The following PCSK9 variants were observed in gnomAD, a reference collection of about 807,000 sequenced individuals.
PCSK9 encodes the protein convertase subtilisin/kexin type 9 preproprotein.
A neutral mutation model predicts 62.1 loss-of-function variants in PCSK9; 57 were observed. That is an observed-to-expected ratio of 0.92 (90% CI 0.74 to 1.14). PCSK9 has a LOEUF of 1.14. Ranked by LOEUF, PCSK9 falls within the 50% of genes most tolerant of loss-of-function variation. PCSK9 has a pLI of 0.00. For missense variants in PCSK9, 870 were observed against 959.8 expected (o/e 0.91, Z 1.24); for synonymous variants, 387 against 409.4 (o/e 0.95, Z 0.66).
rs370894526 is a variant in PCSK9, at chr1:55,061,327, C to T, written c.1682-48C>T. On this transcript the variant is annotated intron_variant, in intron 10 of 11. Transcript: ENST00000302118. ...GTCTGATGGGGATGGGCACTGGAGA[C>T]GGAGCATCCCAGCATTTCACATCTG... The T allele has an allele frequency of 5.6e-4, 878 of 1,558,280 alleles. 3 individuals are homozygous for T. The South Asian group carries it at 6.6e-3, about 12-fold the overall frequency.
chr1:55,055,851 C>A, intron 5 of PCSK9, 142 bp from the exon 6 acceptor site: 1 of 762,314 alleles, frequency 1.3e-6, no homozygotes, highest in Non-Finnish European at 2.0e-6. Context: ...ATTTTCGCAG[C>A]AGCATTTCCA....
chr1:55,063,268 C>A, intron 11 of PCSK9, 101 bp from the exon 12 acceptor site: 1 of 1,296,342 alleles, frequency 7.7e-7, no homozygotes, highest in Non-Finnish European at 1.1e-6. Context: ...GGGCCGTCTG[C>A]ACTTTGGCCT....
chr1:55,046,726 G>A (rs916524148), intron 3 of PCSK9, 80 bp downstream of exon 3: 1 of 1,564,610 alleles, frequency 6.4e-7, no homozygotes, highest in Non-Finnish European at 8.7e-7. Context: ...CTCCCTGCTG[G>A]TGGTTTCCAC....
At position 55,043,881 on chromosome 1, in the gene PCSK9, G is replaced by A. The variant is rs1570293864; in HGVS notation, c.246G>A (p.Leu82=). The change falls in exon 2 of 12, where the codon CTG becomes CTA. Residue 82 remains leucine, a synonymous_variant. Transcript: ENST00000302118. ...WRLPGTYVVV[L]KEETHLSQSE... is the part of the protein sequence containing the mutation. The stretch of plus-strand genomic sequence containing the variant: ...TGCCTGGCACCTACGTGGTGGTGCT[G>A]AAGGAGGAGACCCACCTCTCGCAGT... 4.3e-6 allele frequency: 7 copies of A among 1,614,216 alleles called. No homozygotes were observed. The highest frequency in any genetic ancestry group is 4.2e-6 in the Non-Finnish European group (5 of 1,180,050).
Position 55,040,430 on chromosome 1 carries a change from C to T in PCSK9, c.207+386C>T, listed in dbSNP as rs28385704. On this transcript the variant is annotated intron_variant, in intron 1 of 11. Coordinates refer to ENST00000302118, the MANE Select transcript of PCSK9 (RefSeq NM_174936.4). This position sits in a 1 kb window ranked among gnomAD's most constrained non-coding sequence, Gnocchi z 4.1. ...TGGGTGAAGGAGTGAATGCCTGGAA[C>T]GTACTGGGAACTGCACCAGGCACAG... Among the ~76,000 whole-genome samples the T allele has an allele frequency of 6.6e-6, 1 of 152,096 alleles. No individual in the cohort carries two copies. Among genetic ancestry groups the T allele is most frequent in the Non-Finnish European group, 1.5e-5 (1 of 68,016 alleles).
At chr1:55,042,033 G>C (rs1265624939) in intron 1 of PCSK9, among the ~76,000 whole-genome samples, 2 of 152,062 alleles carry the variant, frequency 1.3e-5, no homozygotes, top group Non-Finnish European at 2.9e-5. Flanking sequence ...TGCAACATCT[G>C]TCTCCCGGGT....
intron 3 of PCSK9, chr1:55,051,774 GC>G (rs1644675529): frequency 4.1e-6 from 1 of 242,624 alleles, no homozygotes; most frequent in Non-Finnish European, 8.1e-6. Context: ...TGGACCTGGA[GC>G]CAGGAGGCCC....
chr1:55,043,864 A>G lies in PCSK9; in HGVS notation c.229A>G (p.Thr77Ala). The G allele has an allele frequency of 6.2e-7, 1 of 1,614,192 alleles. No individual in the cohort carries two copies. Among genetic ancestry groups the G allele is most frequent in the Non-Finnish European group, 8.5e-7 (1 of 1,180,038 alleles). Reference sequence around the variant, plus strand: ...CCAGGATCCGTGGAGGTTGCCTGGCACCTACGTGGTGGTGCTGAAGGAGGA... The same window carrying G: ...CCAGGATCCGTGGAGGTTGCCTGGCGCCTACGTGGTGGTGCTGAAGGAGGA... ...CAKDPWRLPG[T>A]YVVVLKEETH... Residue 77 changes from threonine (T) to alanine (A), a missense_variant, in exon 2 of 12, where the codon ACC becomes GCC. By Grantham distance (58) the Thr-to-Ala change is moderately conservative. Coordinates refer to ENST00000302118, the MANE Select transcript of PCSK9 (RefSeq NM_174936.4).
intron 2 of PCSK9, 152 bp downstream of exon 2, chr1:55,044,186 C>T (rs2100268181): frequency 1.1e-6 from 1 of 930,554 alleles, no homozygotes; most frequent in Middle Eastern, 2.7e-4. Flanking sequence ...ACAGTAACTA[C>T]TGGCTTTCTG....
Position 55,044,027 on chromosome 1 carries a change from T to C in PCSK9, c.392T>C (p.Leu131Pro). ...GFLVKMSGDL[L>P]ELALKLPHVD... ...CTGGTGAAGATGAGTGGCGACCTGCTGGAGCTGGTGAGCCACCCTTTTTGG... is the reference window on the plus strand; with the variant it reads ...CTGGTGAAGATGAGTGGCGACCTGCCGGAGCTGGTGAGCCACCCTTTTTGG... The change falls in exon 2 of 12, where the codon CTG (leucine) becomes CCG (proline). Residue 131 changes from leucine to proline, a missense_variant. Leu to Pro is a moderately conservative substitution (Grantham distance 98). Coordinates refer to ENST00000302118, the MANE Select transcript of PCSK9 (RefSeq NM_174936.4). The C allele has an allele frequency of 1.2e-6, 2 of 1,614,184 alleles. No individual in the cohort carries two copies. The highest frequency in any genetic ancestry group is 1.7e-6 in the Non-Finnish European group (2 of 1,180,038).
intron 3 of PCSK9, among the ~76,000 whole-genome samples, chr1:55,047,850 G>C (rs957115010): frequency 6.6e-6 from 1 of 152,182 alleles, no homozygotes; most frequent in African/African-American, 2.4e-5. Flanking sequence ...GGAAGAGCCT[G>C]TTCCTTTCCA....
At chr1:55,049,741 C>T (rs1644659886) in intron 3 of PCSK9, among the ~76,000 whole-genome samples, 2 of 152,218 alleles carry the variant, frequency 1.3e-5, no homozygotes, top group South Asian at 4.1e-4. Flanking sequence ...TGACCCTGTC[C>T]CAGCAGGACA....
rs111563724 is a variant in PCSK9, at chr1:55,061,389, T to C, written c.1696T>C (p.Trp566Arg). The part of the protein sequence containing the change: ...GHVLTGCSSH[W>R]EVEDLGTHKP... ...CTCTGCCCCAGGCTGCAGCTCCCAC[T>C]GGGAGGTGGAGGACCTTGGCACCCA... Residue 566 changes from tryptophan to arginine, a missense_variant, in exon 11 of 12, where the codon TGG (tryptophan) becomes CGG (arginine). Physicochemically the swap from Trp to Arg is moderately radical, Grantham distance 101 (BLOSUM62 -3). Coordinates refer to ENST00000302118, the MANE Select transcript of PCSK9 (RefSeq NM_174936.4). 1.9e-5 allele frequency: 31 copies of C among 1,608,848 alleles called. No individual in the cohort carries two copies. Among genetic ancestry groups the C allele is most frequent in the Middle Eastern group, 1.8e-4 (1 of 5,440 alleles).
intron 7 of PCSK9, 26 bp from the exon 8 acceptor site, chr1:55,058,010 T>A: frequency 6.2e-7 from 1 of 1,613,484 alleles, no homozygotes; most frequent in Non-Finnish European, 8.5e-7. Context: ...GCCATCACCA[T>A]CTTTCACCAT....
intron 2 of PCSK9, among the ~76,000 whole-genome samples, chr1:55,045,367 T>C (rs1644626037): frequency 6.6e-6 from 1 of 152,196 alleles, no homozygotes; most frequent in African/African-American, 2.4e-5. Flanking sequence ...TGAGCCTCAT[T>C]CCTCTATCTG....
chr1:55,040,130 A>C lies in PCSK9; in HGVS notation c.207+86A>C. On this transcript the variant is annotated intron_variant, in intron 1 of 11. Transcript: ENST00000302118. The surrounding 1 kb of genome is among the most constrained non-coding windows in gnomAD (Gnocchi z 4.1). ...TCCTCTCGGGCCTCAGTTTCCCCCC[A>C]TGTAAGAGAGGAAGTGGAGTGCAGG... The C allele has an allele frequency of 1.3e-6, 2 of 1,482,874 alleles. No individual in the cohort carries two copies. Among genetic ancestry groups the C allele is most frequent in the Non-Finnish European group, 1.8e-6 (2 of 1,095,048 alleles). The allele number at this position is 1,482,874 out of a possible 1,614,324, so 91.9% of individuals were successfully genotyped here. A position where few individuals can be genotyped will look rare whatever the true frequency, so the allele number is the denominator to read the frequency against.
At chr1:55,049,409 T>C (rs1419491926) in intron 3 of PCSK9, among the ~76,000 whole-genome samples, 6 of 152,170 alleles carry the variant, frequency 3.9e-5, no homozygotes, top group African/African-American at 2.4e-5. Context: ...AGCTCCCTGC[T>C]CTGGAGGTAT....
Position 55,039,716 on chromosome 1 carries a change from C to T in PCSK9, c.-122C>T. 4.9e-6 allele frequency: 6 copies of T among 1,216,558 alleles called. No homozygotes were observed. The highest frequency in any genetic ancestry group is 6.9e-6 in the Non-Finnish European group (6 of 865,422). 75.4% of individuals were successfully genotyped at this position (1,216,558 alleles called of 1,614,324 possible). ...GATTCCGCGCGCCCCTTCACGCGCCCTGCTCCTGAACTTCAGCTCCTGCAC... is the reference window on the plus strand; with the variant it reads ...GATTCCGCGCGCCCCTTCACGCGCCTTGCTCCTGAACTTCAGCTCCTGCAC... On this transcript the variant is annotated 5_prime_UTR_variant, in exon 1 of 12. Coordinates refer to ENST00000302118, the MANE Select transcript of PCSK9 (RefSeq NM_174936.4).
At chr1:55,047,775 G>C (rs1557501398) in intron 3 of PCSK9, among the ~76,000 whole-genome samples, 1 of 152,194 alleles carries the variant, frequency 6.6e-6, no homozygotes, top group Non-Finnish European at 1.5e-5. Context: ...TGAGGGGCCT[G>C]GTCGGTCATG....
Sources: allele counts gnomAD v4.1 joint callset (sites outside exome capture counted in the v4.1 genomes callset), GRCh38; gene constraint gnomAD v4.1.1; non-coding constraint Gnocchi (gnomAD v3.1); transcripts MANE v1.5; gene names NCBI Gene and HGNC (gene_info 2026-07-23, HGNC 2026-07-21).